NFIL3: variants seen among roughly 807,000 people sequenced by gnomAD.
The protein encoded by NFIL3 is nuclear factor interleukin-3-regulated protein.
In NFIL3, 5 loss-of-function variants were observed where a neutral mutation model predicts 10.0. That is an observed-to-expected ratio of 0.50 (90% confidence interval 0.26 to 1.06). The LOEUF is 1.06. Among genes scored for constraint, NFIL3 ranks in the 50% least tolerant of loss-of-function variants. The probability of loss-of-function intolerance (pLI) is 0.13; values close to 1 mark genes in which losing one functional copy is unlikely to be tolerated. For synonymous variants in NFIL3, 202 were observed against 206.5 expected, an observed-to-expected ratio of 0.98 and a Z score of 0.19; for missense variants, 436 against 547.6, an observed-to-expected ratio of 0.80 and a Z score of 2.03.
At chr9:91,444,335 C>T in the NFIL3 span, among the ~76,000 whole-genome samples, 1 of 152,038 alleles carries the variant, frequency 6.6e-6, no homozygotes, top group Non-Finnish European at 1.5e-5. Flanking sequence ...AAACTGTTTT[C>T]CTGATTTCAT....
the NFIL3 span, among the ~76,000 whole-genome samples, chr9:91,482,628 T>C: frequency 0.2 from 29,626 of 151,916 alleles, 3,045 homozygotes; most frequent in Middle Eastern, 0.23. Context: ...GCCTCCCTAG[T>C]AGCTGGGATT....
the NFIL3 span, among the ~76,000 whole-genome samples, chr9:91,460,985 A>G: frequency 3.9e-5 from 6 of 152,234 alleles, no homozygotes; most frequent in Admixed American, 2.6e-4. Flanking sequence ...GTGTAACTTC[A>G]TAAGCAATGA....
chr9:91,417,706 C>G (rs1384649967), intron 1 of NFIL3, among the ~76,000 whole-genome samples: 1 of 152,082 alleles, frequency 6.6e-6, no homozygotes, highest in African/African-American at 2.4e-5. Context: ...GCTGAGAAAA[C>G]TATGTTAAAC....
the NFIL3 span, among the ~76,000 whole-genome samples, chr9:91,448,775 A>C: frequency 3.3e-5 from 5 of 152,094 alleles, no homozygotes; most frequent in Non-Finnish European, 5.9e-5. Context: ...CTAGAAAAAA[A>C]GGTCATCAGA....
the NFIL3 span, among the ~76,000 whole-genome samples, chr9:91,468,465 A>C: frequency 6.6e-6 from 1 of 152,020 alleles, no homozygotes; most frequent in Admixed American, 6.6e-5. Context: ...AGATTGCAAA[A>C]ATTTTCTCCC....
the NFIL3 span, among the ~76,000 whole-genome samples, chr9:91,461,509 G>A: frequency 6.6e-6 from 1 of 152,284 alleles, no homozygotes; most frequent in African/African-American, 2.4e-5. Context: ...TCCTAGATCT[G>A]GAGGTCAGAA....
At chr9:91,437,720 A>T in the NFIL3 span, among the ~76,000 whole-genome samples, 136,831 of 152,286 alleles carry the variant, frequency 0.9, 61,561 homozygotes, top group South Asian at 0.93. Context: ...CTCTGTATAT[A>T]TGACTCTTTA....
chr9:91,414,783 A>T (rs530585923), intron 1 of NFIL3, among the ~76,000 whole-genome samples: 278 of 152,338 alleles, frequency 1.8e-3, no homozygotes, highest in Non-Finnish European at 2.5e-3. Flanking sequence ...AGACAGGCAC[A>T]ATCATATACA....
At chr9:91,440,635 A>G in the NFIL3 span, among the ~76,000 whole-genome samples, 2 of 151,990 alleles carry the variant, frequency 1.3e-5, no homozygotes, top group African/African-American at 2.4e-5. Flanking sequence ...TAATGTAGGT[A>G]CTTATTGCTG....
chr9:91,417,105 C>G (rs952029106), intron 1 of NFIL3, among the ~76,000 whole-genome samples: 2 of 152,104 alleles, frequency 1.3e-5, no homozygotes, highest in Non-Finnish European at 2.9e-5. Flanking sequence ...TATTAATTAT[C>G]TATAAAGGGT....
chr9:91,421,426 C>G (rs542712724), intron 1 of NFIL3, among the ~76,000 whole-genome samples: 12 of 152,184 alleles, frequency 7.9e-5, no homozygotes, highest in Admixed American at 2.0e-4. Flanking sequence ...GAGGACCCCC[C>G]GCGCCAGAAC....
the NFIL3 span, among the ~76,000 whole-genome samples, chr9:91,433,541 A>G: frequency 2.6e-5 from 4 of 152,234 alleles, no homozygotes; most frequent in Non-Finnish European, 5.9e-5. Flanking sequence ...CATAATAAGA[A>G]GTTGCAGGTG....
the NFIL3 span, among the ~76,000 whole-genome samples, chr9:91,466,823 C>T: frequency 1.3e-5 from 2 of 152,036 alleles, no homozygotes; most frequent in African/African-American, 2.4e-5. Flanking sequence ...TAATGTTATG[C>T]GTCAACTTGG....
In NFIL3 at chr9:91,410,260, C is replaced by T; in HGVS notation, c.475G>A (p.Val159Met). Residue 159 changes from valine (V) to methionine (M), a missense_variant, in exon 2 of 2, where the codon GTG becomes ATG. By Grantham distance (21) the Val-to-Met change is conservative. Transcript: ENST00000297689. This position sits in a 1 kb window ranked among gnomAD's most constrained non-coding sequence, Gnocchi z 5.7. Reference protein sequence around the residue: ...FQDYQTSKSNVSSFVDEHEPS... With the variant: ...FQDYQTSKSNMSSFVDEHEPS... ...TCGTGCTCGTCCACAAATGAACTCACATTGGATTTGGAAGTCTGGTAATCT... is the reference window on the plus strand; with the variant it reads ...TCGTGCTCGTCCACAAATGAACTCATATTGGATTTGGAAGTCTGGTAATCT... 1 of 1,614,174 alleles carries T rather than the reference C, an allele frequency of 6.2e-7. No individual in the cohort carries two copies. The highest frequency in any genetic ancestry group is 8.5e-7 in the Non-Finnish European group (1 of 1,180,034).
the NFIL3 span, among the ~76,000 whole-genome samples, chr9:91,440,295 A>G: frequency 6.6e-6 from 1 of 152,092 alleles, no homozygotes; most frequent in African/African-American, 2.4e-5. Context: ...TTTGTTTGGC[A>G]TATAATTGTT....
upstream of NFIL3, among the ~76,000 whole-genome samples, chr9:91,424,617 C>T (rs1012663006): frequency 3.3e-5 from 5 of 152,208 alleles, no homozygotes; most frequent in Non-Finnish European, 7.4e-5. Flanking sequence ...ACACCGCCCC[C>T]TGCACAATTA....
the NFIL3 span, among the ~76,000 whole-genome samples, chr9:91,477,596 A>G: frequency 6.6e-6 from 1 of 152,240 alleles, no homozygotes; most frequent in Non-Finnish European, 1.5e-5. Context: ...ATACAAGATC[A>G]AAATGGAAAA....
chr9:91,448,637 A>G, the NFIL3 span, among the ~76,000 whole-genome samples: 2 of 152,154 alleles, frequency 1.3e-5, no homozygotes, highest in East Asian at 3.9e-4. Context: ...ACCAATTACT[A>G]AGGCTTGGTA....
At chr9:91,420,414 C>T (rs2482706) in intron 1 of NFIL3, among the ~76,000 whole-genome samples, 19,078 of 151,112 alleles carry the variant, frequency 0.13, 1,434 homozygotes, top group Middle Eastern at 0.17. Flanking sequence ...TGATCAATAA[C>T]ACAGGAAACA....
Sources: allele counts gnomAD v4.1 joint callset (sites outside exome capture counted in the v4.1 genomes callset), GRCh38; gene constraint gnomAD v4.1.1; non-coding constraint Gnocchi (gnomAD v3.1); transcripts MANE v1.5; gene names NCBI Gene and HGNC (gene_info 2026-07-23, HGNC 2026-07-21).